HELB: variants seen among roughly 807,000 people sequenced by gnomAD.
HELB encodes the protein DNA 5'-3' helicase B.
HELB carries 96 observed loss-of-function variants against 101.7 expected under a neutral mutation model. The observed-to-expected ratio is 0.94, with a 90% confidence interval of 0.80 to 1.12. The LOEUF (loss-of-function observed/expected upper bound fraction) is 1.12, where lower values mean the gene tolerates loss of function less well. Among genes scored for constraint, HELB ranks in the 50% most tolerant of loss-of-function variants. HELB has a pLI of 0.00. For synonymous variants in HELB, 437 were observed against 459.7 expected (o/e 0.95, Z 0.63); for missense variants, 1,210 against 1,291.9 (o/e 0.94, Z 0.97).
intron 4 of HELB, among the ~76,000 whole-genome samples, chr12:66,311,033 A>G (rs910894831): frequency 8.5e-5 from 13 of 152,334 alleles, no homozygotes; most frequent in African/African-American, 2.9e-4. Context: ...TCTTGCAGTA[A>G]CTGATCATTT....
chr12:66,320,037 G>A (rs1210568712), intron 7 of HELB, among the ~76,000 whole-genome samples: 1 of 151,050 alleles, frequency 6.6e-6, no homozygotes, highest in East Asian at 1.9e-4. Flanking sequence ...TCATTCTAGT[G>A]TGGGAAACAG....
At position 66,305,005 on chromosome 12, in the gene HELB, C is replaced by G; in HGVS notation, c.462C>G (p.Tyr154Ter). ...FLTWVKEVSN[Y>*]KNLNFENLRE... is the part of the protein sequence containing the mutation. ...CATGGGTAAAGGAGGTATCAAACTA[C>G]AAAAACCTAAACTTTGAAAATCTTA... The change falls in exon 2 of 13, where the codon TAC becomes TAG. Residue 154 changes from tyrosine to a stop codon, truncating the protein, a stop_gained. Transcript: ENST00000247815. LOFTEE classifies it high-confidence loss of function. The G allele has an allele frequency of 6.2e-7, 1 of 1,613,636 alleles. No homozygotes were observed. The highest frequency in any genetic ancestry group is 8.5e-7 in the Non-Finnish European group (1 of 1,179,870).
chr12:66,333,714 G>C (rs1037630182), intron 12 of HELB, among the ~76,000 whole-genome samples: 3 of 152,114 alleles, frequency 2.0e-5, no homozygotes, highest in South Asian at 4.1e-4. Flanking sequence ...ACAGAGGAAG[G>C]TTGGCTAAGG....
At chr12:66,311,250 C>T (rs955154535) in intron 4 of HELB, among the ~76,000 whole-genome samples, 2 of 151,880 alleles carry the variant, frequency 1.3e-5, no homozygotes, top group South Asian at 4.2e-4. Context: ...CACTTGAGCT[C>T]AGGAGTTTGA....
At chr12:66,315,502 C>A in intron 6 of HELB, 119 bp downstream of exon 6, 1 of 612,822 alleles carries the variant, frequency 1.6e-6, no homozygotes, top group East Asian at 3.3e-5. Flanking sequence ...AAAACTCTTC[C>A]ATCCTTCAAC....
intron 11 of HELB, among the ~76,000 whole-genome samples, chr12:66,329,967 T>C (rs1179398123): frequency 6.6e-6 from 1 of 152,208 alleles, no homozygotes; most frequent in Non-Finnish European, 1.5e-5. Context: ...ATCAAACTTT[T>C]ACAATCTGAG....
At chr12:66,337,811 G>T (rs943155450) in intron 12 of HELB, among the ~76,000 whole-genome samples, 190 bp from the exon 13 acceptor site, 2 of 152,198 alleles carry the variant, frequency 1.3e-5, no homozygotes, top group African/African-American at 4.8e-5. Context: ...GGGTGCTAGA[G>T]ATACCACAGT....
At chr12:66,313,420 A>G (rs146515265) in intron 4 of HELB, among the ~76,000 whole-genome samples, 2 of 152,302 alleles carry the variant, frequency 1.3e-5, no homozygotes, top group African/African-American at 4.8e-5. Flanking sequence ...ATACACTAAA[A>G]TATTGAATGT....
In HELB at chr12:66,338,088, A is replaced by G. The variant is rs765480348; in HGVS notation, c.3250A>G (p.Asn1084Asp). Reference sequence around the variant, plus strand: ...CAGGCAACTTTTCAAGCCCACCGATAATCAAGAAACTTAGTTTTATTTCAA... The same window carrying G: ...CAGGCAACTTTTCAAGCCCACCGATGATCAAGAAACTTAGTTTTATTTCAA... ...IPRQLFKPTD[N>D]QET Residue 1084 changes from asparagine (N) to aspartate (D), a missense_variant, in exon 13 of 13, where the codon AAT becomes GAT. By Grantham distance (23) the Asn-to-Asp change is conservative (BLOSUM62 1). Coordinates refer to ENST00000247815, the MANE Select transcript of HELB (RefSeq NM_001370285.1). The G allele has an allele frequency of 2.6e-6, 4 of 1,542,786 alleles. No individual in the cohort carries two copies. The South Asian group carries it at 3.4e-5, about 13-fold the overall frequency.
Position 66,313,995 on chromosome 12 carries a change from A to G in HELB, c.1690A>G (p.Ser564Gly). 6.2e-7 allele frequency: 1 copy of G among 1,613,616 alleles called. No individual in the cohort carries two copies. The highest frequency in any genetic ancestry group is 8.5e-7 in the Non-Finnish European group (1 of 1,179,662). The change falls in exon 5 of 13, where the codon AGC (serine) becomes GGC (glycine). Residue 564 changes from serine (S) to glycine (G), a missense_variant. This residue lies in a region of HELB where 740 missense variants were observed against 728.8 expected (regional missense o/e 1.02). Coordinates refer to ENST00000247815, the MANE Select transcript of HELB (RefSeq NM_001370285.1). ...CATACTTTGCTTGTAGGTCAATTAT[A>G]GCTTCTATTCATGGACTCAAACAAT... ...HAYTLCQVNY[S>G]FYSWTQTMMT...
At position 66,302,583 on chromosome 12, in the gene HELB, T is replaced by C; in HGVS notation, c.-21T>C. 1.2e-6 allele frequency: 2 copies of C among 1,605,990 alleles called. No homozygotes were observed. The highest frequency in any genetic ancestry group is 1.3e-5 in the African/African-American group (1 of 74,908). On this transcript the variant is annotated 5_prime_UTR_variant, in exon 1 of 13. Coordinates refer to ENST00000247815, the MANE Select transcript of HELB (RefSeq NM_001370285.1). ...TTAGCCAGGGTTTTCCCGAGTTGTT[T>C]GGGTTGAGTTCAGGAGAAGCATGGC...
In HELB at chr12:66,310,455, A is replaced by G. The variant is rs770697409; in HGVS notation, c.1527A>G (p.Gln509=). ...AAAAAGCCTGTGAAGATTTTGAACA[A>G]GACCAGAATGCTTCAGAAGAATGGA... ...EVKKACEDFE[Q]DQNASEEWIT... The change falls in exon 4 of 13, where the codon CAA becomes CAG. Residue 509 remains glutamine, a synonymous_variant. Coordinates refer to ENST00000247815, the MANE Select transcript of HELB (RefSeq NM_001370285.1). The G allele has an allele frequency of 1.2e-6, 2 of 1,614,204 alleles. No individual in the cohort carries two copies. The highest frequency in any genetic ancestry group is 1.7e-6 in the Non-Finnish European group (2 of 1,180,038).
intron 11 of HELB, among the ~76,000 whole-genome samples, chr12:66,328,335 G>T (rs950931218): frequency 6.6e-6 from 1 of 152,158 alleles, no homozygotes; most frequent in Non-Finnish European, 1.5e-5. Context: ...GCTGAGGTGG[G>T]CAGGTCAATT....
At chr12:66,323,625 G>T (rs2053699615) in intron 9 of HELB, among the ~76,000 whole-genome samples, 1 of 152,156 alleles carries the variant, frequency 6.6e-6, no homozygotes, top group South Asian at 2.1e-4. Flanking sequence ...ATAAGGTAAT[G>T]ATAAGAGAGA....
Position 66,309,875 on chromosome 12 carries a change from A to T in HELB, c.947A>T (p.Asn316Ile), listed in dbSNP as rs1474963728. 6.2e-7 allele frequency: 1 copy of T among 1,614,178 alleles called. No individual in the cohort carries two copies. The highest frequency in any genetic ancestry group is 1.1e-5 in the South Asian group (1 of 91,088). ...GATGGGCACACATATGTTGAAGTGA[A>T]TGACTTAACTTTGACATTGTCAAAT... The part of the protein sequence containing the change: ...REDGHTYVEV[N>I]DLTLTLSNHM... Residue 316 changes from asparagine to isoleucine, a missense_variant, in exon 4 of 13, where the codon AAT becomes ATT. Asn to Ile is a moderately radical substitution (Grantham distance 149, BLOSUM62 -3). This residue lies in a region of HELB where 470 missense variants were observed against 563.1 expected (regional missense o/e 0.83). Transcript: ENST00000247815.
At chr12:66,337,375 C>T (rs532717614) in intron 12 of HELB, among the ~76,000 whole-genome samples, 3 of 152,210 alleles carry the variant, frequency 2.0e-5, no homozygotes, top group African/African-American at 7.2e-5. Flanking sequence ...TGGAATAAGG[C>T]TTTTGACATG....
chr12:66,306,069 T>G (rs1053554121), intron 2 of HELB, among the ~76,000 whole-genome samples: 2 of 152,230 alleles, frequency 1.3e-5, no homozygotes, highest in African/African-American at 4.8e-5. Context: ...ATTTTTATTC[T>G]GTTATAGTGC....
At chr12:66,322,065 A>G in intron 8 of HELB, 36 bp downstream of exon 8, 2 of 807,236 alleles carry the variant, frequency 2.5e-6, no homozygotes, top group South Asian at 1.6e-5. Context: ...TTTTTAATCT[A>G]GCTTTTAAAT....
At chr12:66,303,367 C>A (rs930610439) in intron 1 of HELB, among the ~76,000 whole-genome samples, 1 of 152,120 alleles carries the variant, frequency 6.6e-6, no homozygotes, top group East Asian at 1.9e-4. Context: ...GTGGCTCACG[C>A]ACTTTGGGAG....
Sources: gnomAD v4.1 joint callset for allele counts (sites outside exome capture counted in the v4.1 genomes callset) on GRCh38, gnomAD v4.1.1 for gene constraint, gnomAD v4.1.1 regional missense constraint, MANE v1.5 for transcripts, NCBI Gene and HGNC (gene_info 2026-07-23, HGNC 2026-07-21) for gene names.